Variants in SRSF3 observed in about 807,000 individuals in gnomAD.
The protein encoded by SRSF3 is serine and arginine rich splicing factor 3, also known as serine/arginine-rich splicing factor 3.
For synonymous variants in SRSF3, 87 were observed against 73.6 expected (o/e 1.18, Z -0.93); for missense variants, 58 against 217.1 (o/e 0.27, Z 4.61).
chr6:36,600,080 T>A (rs553869178), intron 3 of SRSF3: 1 of 1,182,850 alleles, frequency 8.5e-7, no homozygotes, highest in South Asian at 1.6e-5. Flanking sequence ...GCTCAGCTGT[T>A]TATTTACCAA....
In SRSF3 at chr6:36,598,966, T is replaced by C. The variant is rs1428970716; in HGVS notation, c.324T>C (p.Ser108=). Residue 108 remains serine, a synonymous_variant, in exon 3 of 6, where the codon AGT becomes AGC. Coordinates refer to ENST00000373715, the MANE Select transcript of SRSF3 (RefSeq NM_003017.5). ...RRPRDDYRRR[S]PPPRRRSPRR... is the part of the protein sequence containing the mutation. ...CTCGAGATGATTATCGTAGGAGGAG[T>C]CCTCCACCTCGTCGCAGGTACTTGA... 6.2e-7 allele frequency: 1 copy of C among 1,613,838 alleles called. No individual in the cohort carries two copies. Among genetic ancestry groups the C allele is most frequent in the East Asian group, 2.2e-5 (1 of 44,874 alleles).
Position 36,604,651 on chromosome 6 carries a change from G to C in SRSF3, c.*2662G>C, listed in dbSNP as rs1405818311. ...CCACCCTGTTAGACTGCTGTCAGTG[G>C]CTTTCACACAAACCCATATGTGGAT... On this transcript the variant is annotated 3_prime_UTR_variant, in exon 6 of 6. Transcript: ENST00000373715. 6.1e-6 allele frequency: 1 copy of C among 163,560 alleles called. No homozygotes were observed. The highest frequency in any genetic ancestry group is 1.3e-5 in the Non-Finnish European group (1 of 74,604). The allele number at this position is 163,560 out of a possible 1,614,324, so 10.1% of individuals were successfully genotyped here.
intron 5 of SRSF3, 46 bp from the exon 6 acceptor site, chr6:36,601,916 G>A: frequency 1.3e-6 from 2 of 1,562,092 alleles, no homozygotes; most frequent in Admixed American, 2.0e-5. Context: ...GTGTCACCAA[G>A]TTACAGATGT....
chr6:36,597,911 C>T (rs1778658864), intron 2 of SRSF3, among the ~76,000 whole-genome samples: 1 of 151,640 alleles, frequency 6.6e-6, no homozygotes, highest in African/African-American at 2.4e-5. Context: ...CCCAGGCTGG[C>T]CTCAAGCTCC....
intron 3 of SRSF3, chr6:36,600,081 T>C: frequency 1.7e-6 from 2 of 1,179,648 alleles, no homozygotes; most frequent in Non-Finnish European, 2.2e-6. Flanking sequence ...CTCAGCTGTT[T>C]ATTTACCAAA....
chr6:36,601,293 T>TA, intron 4 of SRSF3, 103 bp downstream of exon 4: 1 of 1,114,162 alleles, frequency 9.0e-7, no homozygotes, highest in South Asian at 1.4e-5. Flanking sequence ...ACCTTGGCTT[T>TA]AATAGTGAAT....
At chr6:36,599,765 T>C in intron 3 of SRSF3, 1 of 1,270,472 alleles carries the variant, frequency 7.9e-7, no homozygotes, top group Non-Finnish European at 1.1e-6. Context: ...TGGCTTGTTT[T>C]TCATTTTTTT....
chr6:36,602,082 G>C lies in SRSF3; in HGVS notation c.*93G>C. ...TCAAGTTTTGTTTGAGACTTCATAA[G>C]CTTGGTGCATTTTTAAGATGTTTTA... On this transcript the variant is annotated 3_prime_UTR_variant, in exon 6 of 6. Transcript: ENST00000373715. The C allele has an allele frequency of 6.5e-7, 1 of 1,544,766 alleles. No individual in the cohort carries two copies. Among genetic ancestry groups the C allele is most frequent in the South Asian group, 1.3e-5 (1 of 79,830 alleles).
Position 36,598,839 on chromosome 6 carries a change from G to A in SRSF3, c.207-10G>A, listed in dbSNP as rs192931206. The stretch of plus-strand genomic sequence containing the variant: ...AGGCTGTTTTAAGTTTAATATCTTT[G>A]CCCCCTCAGAACACTATGTGGCTGC... On this transcript the variant is annotated splice_polypyrimidine_tract_variant and intron_variant, in intron 2 of 5. Transcript: ENST00000373715. The A allele has an allele frequency of 8.5e-5, 137 of 1,610,248 alleles. No individual in the cohort carries two copies. The Admixed American group carries it at 1.5e-3, about 17-fold the overall frequency.
intron 3 of SRSF3, chr6:36,600,899 A>G: frequency 2.5e-6 from 1 of 394,762 alleles, no homozygotes; most frequent in Non-Finnish European, 4.5e-6. Flanking sequence ...TCTGCTGTGA[A>G]GCATTCTTTG....
In SRSF3 at chr6:36,602,942, G is replaced by GT. The variant is rs1390920911; in HGVS notation, c.*955dup. The GT allele has an allele frequency of 4.6e-6, 1 of 215,408 alleles. No homozygotes were observed. The highest frequency in any genetic ancestry group is 9.4e-6 in the Non-Finnish European group (1 of 106,880). The allele number at this position is 215,408 out of a possible 1,614,324, so 13.3% of individuals were successfully genotyped here. A position where few individuals can be genotyped will look rare whatever the true frequency, so the allele number is the denominator to read the frequency against. ...TTGTGTATAGTCAGTTGAACCCACT[G>GT]TTACCATTGTTCTTATCCCATGGGA... On this transcript the variant is annotated 3_prime_UTR_variant, in exon 6 of 6. Transcript: ENST00000373715.
chr6:36,598,458 G>A (rs183707897), intron 2 of SRSF3: 7 of 169,690 alleles, frequency 4.1e-5, no homozygotes, highest in African/African-American at 1.7e-4. Context: ...ATCTTGGCTC[G>A]TTGTAACCTC....
chr6:36,597,894 T>C (rs1778658480), intron 2 of SRSF3, among the ~76,000 whole-genome samples: 1 of 151,938 alleles, frequency 6.6e-6, no homozygotes, highest in Admixed American at 6.6e-5. Flanking sequence ...GACGACAGTC[T>C]GTGTTGCCCA....
rs1778637413 is a variant in SRSF3 at position 36,596,754 on chromosome 6, A to G, written c.-2-7A>G. 3 of 1,613,022 alleles carry G rather than the reference A, an allele frequency of 1.9e-6. No individual in the cohort carries two copies. Among genetic ancestry groups the G allele is most frequent in the Middle Eastern group, 1.7e-4 (1 of 5,930 alleles). On this transcript the variant is annotated splice_region_variant and splice_polypyrimidine_tract_variant and intron_variant, in intron 1 of 5. Transcript: ENST00000373715. ...TGAATGAATATTTTTGGTATTTTTC[A>G]TTACAGAAATGCATCGTGATTCCTG...
At chr6:36,597,533 T>TA (rs1160275182) in intron 2 of SRSF3, among the ~76,000 whole-genome samples, 1 of 152,204 alleles carries the variant, frequency 6.6e-6, no homozygotes, top group East Asian at 1.9e-4. Flanking sequence ...GTGAATCACT[T>TA]ACTATTTCCC....
chr6:36,599,944 G>A, intron 3 of SRSF3: 2 of 1,335,968 alleles, frequency 1.5e-6, no homozygotes, highest in Non-Finnish European at 2.0e-6. Context: ...CATGACCCAG[G>A]CTGGCCAGTC....
rs948139929 is a variant in SRSF3 at position 36,594,437 on chromosome 6, G to C, written c.-47G>C. 5 of 152,540 alleles carry C rather than the reference G, an allele frequency of 3.3e-5. No homozygotes were observed. The highest frequency in any genetic ancestry group is 1.2e-4 in the African/African-American group (5 of 41,474). 9.4% of individuals were successfully genotyped at this position (152,540 alleles called of 1,614,324 possible). On this transcript the variant is annotated 5_prime_UTR_variant, in exon 1 of 6. Coordinates refer to ENST00000373715, the MANE Select transcript of SRSF3 (RefSeq NM_003017.5). ...CGGAGGAAAGCGGGAAGACTCATCGGAGCGTGTGGATTTGAGCCGCCGCAT... is the reference window on the plus strand; with the variant it reads ...CGGAGGAAAGCGGGAAGACTCATCGCAGCGTGTGGATTTGAGCCGCCGCAT...
rs777888646 is a variant in SRSF3, at chr6:36,599,260, C to T, written c.341+277C>T. On this transcript the variant is annotated intron_variant, in intron 3 of 5. Transcript: ENST00000373715. ...TCTTTCCAAATCTTCCCTTATACTT[C>T]AGTTTAGGCCTTTTTCCATTTCTTG... Among the ~76,000 whole-genome samples the T allele has an allele frequency of 3.8e-4, 58 of 152,236 alleles. No individual in the cohort carries two copies. In the Middle Eastern group the frequency reaches 0.017, roughly 45 times the overall value.
Position 36,596,593 on chromosome 6 carries a change from G to T in SRSF3, c.-2-168G>T, listed in dbSNP as rs570733193. The stretch of plus-strand genomic sequence containing the variant: ...GGGTGGCGGGGGGGGGGAAATGGGT[G>T]CTTAGCAGTAACATTTCTTGTTTGG... On this transcript the variant is annotated intron_variant, in intron 1 of 5. Transcript: ENST00000373715. 1.7e-3 allele frequency among the ~76,000 whole-genome samples: 255 copies of T among 148,966 alleles called. 2 individuals are homozygous for T. The highest frequency in any genetic ancestry group is 6.1e-3 in the African/African-American group (242 of 39,918).
Sources: allele counts gnomAD v4.1 joint callset (sites outside exome capture counted in the v4.1 genomes callset), GRCh38; gene constraint gnomAD v4.1.1; transcripts MANE v1.5; gene names NCBI Gene and HGNC (gene_info 2026-07-23, HGNC 2026-07-21).